Variants in WDR70 observed in about 807,000 individuals in gnomAD.
WDR70 encodes WD repeat domain 70, also known as WD repeat-containing protein 70.
In WDR70, 53 loss-of-function variants were observed where a neutral mutation model predicts 88.6. That is an observed-to-expected ratio of 0.60 (90% CI 0.48 to 0.75). The LOEUF (loss-of-function observed/expected upper bound fraction) is 0.75, where lower values mean the gene tolerates loss of function less well. WDR70 is among the 30% of genes least tolerant of loss of function. The probability of loss-of-function intolerance (pLI) is 0.00; values close to 1 mark genes in which losing one functional copy is unlikely to be tolerated. For missense variants in WDR70, 610 were observed against 823.2 expected (o/e 0.74, Z 3.17); for synonymous variants, 280 against 270.0 (o/e 1.04, Z -0.36).
chr5:37,707,921 G>GA lies in WDR70; in HGVS notation c.1416+4862dup, dbSNP rs1187436953. 4.6e-4 allele frequency among the ~76,000 whole-genome samples: 7 copies of GA among 15,148 alleles called. 2 individuals are homozygous for GA. The highest frequency in any genetic ancestry group is 5.4e-4 in the African/African-American group (3 of 5,522). The allele number at this position is 15,148 out of a possible 152,430, so 9.9% of individuals were successfully genotyped here. ...AGGGTGAGACTCTGTCTCAAAAAAAGAAAAAAAAAAAAAAAAAAAAAAAAA... is the reference window on the plus strand; with the variant it reads ...AGGGTGAGACTCTGTCTCAAAAAAAGAAAAAAAAAAAAAAAAAAAAAAAAAA... On this transcript the variant is annotated intron_variant, in intron 13 of 17. Coordinates refer to ENST00000265107, the MANE Select transcript of WDR70 (RefSeq NM_018034.4).
chr5:37,716,445 A>G (rs971133635), intron 13 of WDR70, among the ~76,000 whole-genome samples: 18 of 152,178 alleles, frequency 1.2e-4, no homozygotes, highest in African/African-American at 4.1e-4. Context: ...GTGGGTTTGG[A>G]TATGATTAAA....
chr5:37,416,749 T>C (rs997447158), intron 5 of WDR70, among the ~76,000 whole-genome samples: 5 of 151,990 alleles, frequency 3.3e-5, no homozygotes, highest in Non-Finnish European at 7.4e-5. Context: ...CTGGCTAATT[T>C]TTGTAATTTT....
At chr5:37,431,747 T>C (rs910054698) in intron 5 of WDR70, among the ~76,000 whole-genome samples, 1 of 152,198 alleles carries the variant, frequency 6.6e-6, no homozygotes, top group African/African-American at 2.4e-5. Context: ...GCAGCAACCA[T>C]TCTGCTTTCT....
chr5:37,603,229 AC>A (rs1743939707), intron 9 of WDR70, among the ~76,000 whole-genome samples: 1 of 152,200 alleles, frequency 6.6e-6, no homozygotes, highest in African/African-American at 2.4e-5. Context: ...TGGAGACATC[AC>A]ATCACACTCC....
Position 37,569,230 on chromosome 5 carries a change from A to T in WDR70, c.918-35834A>T, listed in dbSNP as rs566263862. Among the ~76,000 whole-genome samples, 7 of 152,314 alleles carry T rather than the reference A, an allele frequency of 4.6e-5. No homozygotes were observed. The East Asian group carries it at 1.3e-3, about 29-fold the overall frequency. On this transcript the variant is annotated intron_variant, in intron 9 of 17. Coordinates refer to ENST00000265107, the MANE Select transcript of WDR70 (RefSeq NM_018034.4). ...GAAATGTTTATTGTTTTAAGCTACTAGGTTTGGGGTAGTTTATTAATGCAT... is the reference window on the plus strand; with the variant it reads ...GAAATGTTTATTGTTTTAAGCTACTTGGTTTGGGGTAGTTTATTAATGCAT...
chr5:37,693,386 A>C (rs1428289093), intron 10 of WDR70, among the ~76,000 whole-genome samples: 1 of 152,176 alleles, frequency 6.6e-6, no homozygotes, highest in Non-Finnish European at 1.5e-5. Context: ...GAACCAAAAA[A>C]GAGCCCGCAT....
chr5:37,689,804 C>T (rs1178470988), intron 10 of WDR70, among the ~76,000 whole-genome samples: 2 of 152,228 alleles, frequency 1.3e-5, no homozygotes, highest in Non-Finnish European at 2.9e-5. Flanking sequence ...TGCCTCTTCT[C>T]CTCCAAAGAT....
intron 7 of WDR70, among the ~76,000 whole-genome samples, chr5:37,446,676 A>T (rs1385920423): frequency 1.3e-5 from 2 of 152,224 alleles, no homozygotes; most frequent in East Asian, 3.8e-4. Flanking sequence ...TCTGACAAAA[A>T]CAAGAAATGG....
At chr5:37,497,249 TTCCCTTCC>T (rs1300230802) in intron 8 of WDR70, among the ~76,000 whole-genome samples, 5 of 139,496 alleles carry the variant, frequency 3.6e-5, no homozygotes, top group South Asian at 2.7e-4. Context: ...TCCCTCCCTT[TTCCCTTCC>T]TCCCTTCCTC....
In WDR70 at chr5:37,586,684, T is replaced by C. The variant is rs79105566; in HGVS notation, c.918-18380T>C. Among the ~76,000 whole-genome samples, 496 of 152,198 alleles carry C rather than the reference T, an allele frequency of 3.3e-3. 9 individuals carry two copies. The highest frequency in any genetic ancestry group is 0.012 in the African/African-American group (479 of 41,522). On this transcript the variant is annotated intron_variant, in intron 9 of 17. Transcript: ENST00000265107. ...ACACCTTCTTTTTAAAAGCATTCTC[T>C]TTTGGCTTCCTAACACTTCCCTCTC...
intron 10 of WDR70, among the ~76,000 whole-genome samples, chr5:37,663,648 T>C (rs1210572113): frequency 6.6e-6 from 1 of 152,196 alleles, no homozygotes; most frequent in Non-Finnish European, 1.5e-5. Flanking sequence ...TTATCTCCTC[T>C]CATTTACTTG....
At chr5:37,668,424 A>G (rs561740838) in intron 10 of WDR70, among the ~76,000 whole-genome samples, 5 of 152,312 alleles carry the variant, frequency 3.3e-5, no homozygotes, top group East Asian at 3.9e-4. Context: ...GAAATTCTAA[A>G]AGCATGGGTC....
intron 7 of WDR70, among the ~76,000 whole-genome samples, chr5:37,448,801 A>G (rs1159185329): frequency 1.3e-5 from 2 of 151,742 alleles, no homozygotes; most frequent in African/African-American, 4.8e-5. Context: ...GTATTTGTTT[A>G]GTCCCTGACT....
At chr5:37,522,319 A>C (rs1741119597) in intron 9 of WDR70, among the ~76,000 whole-genome samples, 3 of 152,020 alleles carry the variant, frequency 2.0e-5, no homozygotes, top group Admixed American at 6.6e-5. Context: ...AAAACACAAA[A>C]AATTAGCTGG....
At chr5:37,390,778 G>A (rs1310030405) in intron 3 of WDR70, among the ~76,000 whole-genome samples, 1 of 148,398 alleles carries the variant, frequency 6.7e-6, no homozygotes, top group Non-Finnish European at 1.5e-5. Context: ...GTGCAATGGC[G>A]CAATCTTGGC....
At chr5:37,433,501 G>A (rs1040106818) in intron 5 of WDR70, among the ~76,000 whole-genome samples, 2 of 152,128 alleles carry the variant, frequency 1.3e-5, no homozygotes, top group African/African-American at 4.8e-5. Flanking sequence ...ATTGGCTCCA[G>A]GACTCTCCTG....
At chr5:37,670,139 G>A (rs532400942) in intron 10 of WDR70, among the ~76,000 whole-genome samples, 1 of 152,236 alleles carries the variant, frequency 6.6e-6, no homozygotes, top group East Asian at 1.9e-4. Flanking sequence ...TGAAAACGTT[G>A]AACTACATAG....
intron 7 of WDR70, among the ~76,000 whole-genome samples, chr5:37,475,384 A>G (rs1249506269): frequency 6.6e-6 from 1 of 151,572 alleles, no homozygotes; most frequent in Non-Finnish European, 1.5e-5. Context: ...ACAGGCATGC[A>G]CCACCATGCC....
At chr5:37,655,160 C>CT (rs1014041863) in intron 10 of WDR70, among the ~76,000 whole-genome samples, 2 of 152,114 alleles carry the variant, frequency 1.3e-5, no homozygotes, top group African/African-American at 4.8e-5. Context: ...AATCTCTCAG[C>CT]TTTTGCTTGT....
Sources: gnomAD v4.1 joint callset for allele counts (sites outside exome capture counted in the v4.1 genomes callset) on GRCh38, gnomAD v4.1.1 for gene constraint, MANE v1.5 for transcripts, NCBI Gene and HGNC (gene_info 2026-07-23, HGNC 2026-07-21) for gene names.